PDGFC: variants seen among roughly 807,000 people sequenced by gnomAD.
PDGFC encodes the protein platelet derived growth factor C.
Under a neutral mutation model 35.5 loss-of-function variants are expected in PDGFC, and 12 were observed. The ratio of observed to expected loss-of-function variants is 0.34; its 90% CI spans 0.22 to 0.55. The LOEUF is 0.55. PDGFC is among the 20% of genes least tolerant of loss of function. The pLI is 0.91. For synonymous variants in PDGFC, 159 were observed against 148.8 expected (o/e 1.07, Z -0.50); for missense variants, 322 against 412.4 (o/e 0.78, Z 1.90).
chr4:156,808,779 C>G (rs552371855), intron 3 of PDGFC, among the ~76,000 whole-genome samples: 36 of 152,032 alleles, frequency 2.4e-4, no homozygotes, highest in Middle Eastern at 3.4e-3. Context: ...CTTCTGCAGA[C>G]AGTTTATTAA....
At chr4:156,792,089 G>A (rs774054809) in intron 3 of PDGFC, among the ~76,000 whole-genome samples, 1 of 152,134 alleles carries the variant, frequency 6.6e-6, no homozygotes, top group Non-Finnish European at 1.5e-5. Context: ...CAAGGTCCAA[G>A]GAAAACGCCT....
intron 3 of PDGFC, among the ~76,000 whole-genome samples, chr4:156,798,238 C>T (rs1164062560): frequency 2.0e-5 from 3 of 152,128 alleles, no homozygotes; most frequent in South Asian, 4.2e-4. Context: ...ACAACAAAAA[C>T]CTTAAAGAGG....
At chr4:156,888,803 C>A (rs770825056) in intron 1 of PDGFC, among the ~76,000 whole-genome samples, 6 of 152,132 alleles carry the variant, frequency 3.9e-5, no homozygotes, top group Non-Finnish European at 7.4e-5. Context: ...CAGTAATTCT[C>A]TACACTAAAC....
intron 3 of PDGFC, among the ~76,000 whole-genome samples, chr4:156,788,206 G>GA (rs1261595091): frequency 1.7e-4 from 26 of 149,824 alleles, no homozygotes; most frequent in South Asian, 4.3e-4. Flanking sequence ...AGTGATAGGA[G>GA]AAAAAAAAAC....
chr4:156,837,327 C>T (rs914430946), intron 2 of PDGFC, among the ~76,000 whole-genome samples: 3 of 152,028 alleles, frequency 2.0e-5, no homozygotes, highest in South Asian at 2.1e-4. Context: ...TGCAGTGAGC[C>T]GAGATTGTGC....
intron 2 of PDGFC, among the ~76,000 whole-genome samples, chr4:156,842,780 T>C (rs955478718): frequency 1.3e-5 from 2 of 152,194 alleles, no homozygotes; most frequent in African/African-American, 2.4e-5. Flanking sequence ...GTAGTTCTCA[T>C]TTATCTGTAA....
In PDGFC at chr4:156,943,013, A is replaced by G. The variant is rs78500057; in HGVS notation, c.118+27773T>C. Among the ~76,000 whole-genome samples the G allele has an allele frequency of 4.2e-3, 639 of 152,200 alleles. 21 individuals carry two copies. In the East Asian group the frequency reaches 0.094, roughly 22 times the overall value. On this transcript the variant is annotated intron_variant, in intron 1 of 5. Transcript: ENST00000502773. The stretch of plus-strand genomic sequence containing the variant: ...GCATTAGTAGTCATTTAATCTGATT[A>G]TCTTTTCAGTGAGTGAATTCCCTCG...
intron 1 of PDGFC, among the ~76,000 whole-genome samples, chr4:156,951,569 T>A (rs1304277087): frequency 6.6e-6 from 1 of 151,628 alleles, no homozygotes; most frequent in Admixed American, 6.6e-5. Context: ...GGTCACAATA[T>A]AAATTTATCA....
intron 1 of PDGFC, among the ~76,000 whole-genome samples, chr4:156,910,552 T>G (rs1368077144): frequency 6.6e-6 from 1 of 152,244 alleles, no homozygotes; most frequent in East Asian, 1.9e-4. Flanking sequence ...GAAATAAATG[T>G]CCAAGAGTGT....
chr4:156,925,056 T>A (rs112013175), intron 1 of PDGFC, among the ~76,000 whole-genome samples: 1 of 152,150 alleles, frequency 6.6e-6, no homozygotes, highest in African/African-American at 2.4e-5. Context: ...GAAAGAATAA[T>A]CAGAGATAAA....
At chr4:156,919,764 T>C (rs1731230396) in intron 1 of PDGFC, among the ~76,000 whole-genome samples, 1 of 152,238 alleles carries the variant, frequency 6.6e-6, no homozygotes, top group South Asian at 2.1e-4. Flanking sequence ...GTATGAAACA[T>C]AATTGGAATT....
intron 1 of PDGFC, among the ~76,000 whole-genome samples, chr4:156,936,505 C>A (rs1321332344): frequency 6.6e-6 from 1 of 152,152 alleles, no homozygotes; most frequent in East Asian, 1.9e-4. Context: ...TGGAACCTAC[C>A]AATCCCAGCA....
At position 156,850,227 on chromosome 4, in the gene PDGFC, A is replaced by C; in HGVS notation, c.308T>G (p.Ile103Arg). 1 of 1,550,734 alleles carries C rather than the reference A, an allele frequency of 6.4e-7. No individual in the cohort carries two copies. Among genetic ancestry groups the C allele is most frequent in the South Asian group, 1.2e-5 (1 of 81,264 alleles). The part of the protein sequence containing the change: ...RFGLEDPEDD[I>R]CKYDFVEVEE... The stretch of plus-strand genomic sequence containing the variant: ...TTCAAGTATGATCACTTACTTGCAT[A>C]TGTCATCTTCTGGGTCTTCAAGCCC... The change falls in exon 2 of 6, where the codon ATA becomes AGA. Residue 103 changes from isoleucine to arginine, a missense_variant. Coordinates refer to ENST00000502773, the MANE Select transcript of PDGFC (RefSeq NM_016205.3).
chr4:156,900,619 T>C (rs933648153), intron 1 of PDGFC, among the ~76,000 whole-genome samples: 9 of 152,072 alleles, frequency 5.9e-5, no homozygotes, highest in African/African-American at 1.7e-4. Flanking sequence ...GATGGGTGGA[T>C]TGCTTGAGCC....
intron 1 of PDGFC, among the ~76,000 whole-genome samples, chr4:156,883,340 G>A (rs6821040): frequency 0.061 from 9,316 of 152,060 alleles, 914 homozygotes; most frequent in African/African-American, 0.21. Flanking sequence ...TTGTATTAAA[G>A]TCATTGGATT....
intron 2 of PDGFC, among the ~76,000 whole-genome samples, chr4:156,819,885 T>C (rs1341019650): frequency 6.6e-6 from 1 of 152,194 alleles, no homozygotes; most frequent in Non-Finnish European, 1.5e-5. Flanking sequence ...ACAATATTCA[T>C]GATTCATGGG....
intron 1 of PDGFC, among the ~76,000 whole-genome samples, chr4:156,857,692 C>T (rs914167928): frequency 6.6e-6 from 1 of 152,002 alleles, no homozygotes; most frequent in Admixed American, 6.6e-5. Context: ...TCGAACTGAC[C>T]CTAGCCAGAA....
intron 3 of PDGFC, among the ~76,000 whole-genome samples, chr4:156,789,916 G>T (rs988719055): frequency 2.1e-5 from 3 of 144,164 alleles, no homozygotes; most frequent in Non-Finnish European, 4.5e-5. Flanking sequence ...GGCGGAGCTT[G>T]CAGTGAGCCG....
At chr4:156,764,891 G>A (rs535447017) in intron 5 of PDGFC, among the ~76,000 whole-genome samples, 54 of 152,172 alleles carry the variant, frequency 3.5e-4, no homozygotes, top group Non-Finnish European at 5.7e-4. Context: ...CATAGACAAC[G>A]TCTTCAATTC....
Sources: gnomAD v4.1 joint callset for allele counts (sites outside exome capture counted in the v4.1 genomes callset) on GRCh38, gnomAD v4.1.1 for gene constraint, MANE v1.5 for transcripts, NCBI Gene and HGNC (gene_info 2026-07-23, HGNC 2026-07-21) for gene names.